Variants in TDRD12 observed in about 807,000 individuals in gnomAD.
The protein encoded by TDRD12 is putative ATP-dependent RNA helicase TDRD12.
In TDRD12, 158 loss-of-function variants were observed where a neutral mutation model predicts 133.5. The observed-to-expected ratio is 1.18, with a 90% CI of 1.04 to 1.35. The LOEUF (loss-of-function observed/expected upper bound fraction) is 1.35. Among genes scored for constraint, TDRD12 ranks in the 40% most tolerant of loss-of-function variants. The pLI is 0.00. For missense variants in TDRD12, 1,443 were observed against 1,321.3 expected, an observed-to-expected ratio of 1.09 and a Z score of -1.43; for synonymous variants, 460 against 477.9, an observed-to-expected ratio of 0.96 and a Z score of 0.49.
intron 11 of TDRD12, among the ~76,000 whole-genome samples, chr19:32,786,986 C>T (rs898646458): frequency 1.3e-5 from 2 of 152,236 alleles, no homozygotes; most frequent in Admixed American, 6.5e-5. Context: ...GAGTTGTGTT[C>T]CTTTGGAGGA....
intron 8 of TDRD12, among the ~76,000 whole-genome samples, chr19:32,757,963 G>GTT (rs994287092): frequency 1.3e-5 from 2 of 152,172 alleles, no homozygotes; most frequent in African/African-American, 2.4e-5. Context: ...GATACAAAGG[G>GTT]TTTTTCTCAG....
chr19:32,827,419 G>T, exon 10 of TDRD12: 1 of 353,998 alleles, frequency 2.8e-6, no homozygotes. Context: ...TTGCTCTGTC[G>T]GCCAGGCTGG....
intron 26 of TDRD12, among the ~76,000 whole-genome samples, chr19:32,816,189 A>AC (rs1280845391): frequency 6.6e-6 from 1 of 152,134 alleles, no homozygotes. Context: ...ATTGTTGTTA[A>AC]CTTTTTCTTG....
At position 32,763,015 on chromosome 19, in the gene TDRD12, C is replaced by T. The variant is rs1048327209; in HGVS notation, c.865+5885C>T. On this transcript the variant is annotated intron_variant, in intron 8 of 27. Transcript: ENST00000444215. ...TTTGTGTTATCTAAACCAATTTAAA[C>T]GTAGAAAAGATAGTGATTATGCTAT... 7.2e-5 allele frequency among the ~76,000 whole-genome samples: 11 copies of T among 152,172 alleles called. 1 individual carries two copies. Among genetic ancestry groups the T allele is most frequent in the Admixed American group, 5.9e-4 (9 of 15,288 alleles).
At chr19:32,735,799 G>A (rs1182267486) in intron 2 of TDRD12, among the ~76,000 whole-genome samples, 1 of 151,898 alleles carries the variant, frequency 6.6e-6, no homozygotes, top group Non-Finnish European at 1.5e-5. Flanking sequence ...GTGAAACCCT[G>A]TCTCTACTAA....
intron 7 of TDRD12, 77 bp downstream of exon 7, chr19:32,756,258 A>G (rs937596599): frequency 1.6e-6 from 2 of 1,236,230 alleles, no homozygotes. Context: ...TAAGTTGTAC[A>G]GACTTTTCCC....
chr19:32,756,512 C>T (rs985340743), intron 7 of TDRD12, among the ~76,000 whole-genome samples: 9 of 152,134 alleles, frequency 5.9e-5, no homozygotes, highest in South Asian at 2.1e-4. Flanking sequence ...CTCAGCCTCC[C>T]GAGTAGCTGG....
chr19:32,721,185 T>C (rs1026194307), intron 1 of TDRD12, among the ~76,000 whole-genome samples: 2 of 152,086 alleles, frequency 1.3e-5, no homozygotes, highest in African/African-American at 4.8e-5. Context: ...CCTGGACCCT[T>C]GCTTTTCCCC....
chr19:32,722,705 C>T (rs1158929781), intron 1 of TDRD12, among the ~76,000 whole-genome samples: 5 of 141,158 alleles, frequency 3.5e-5, no homozygotes, highest in Non-Finnish European at 6.0e-5. Context: ...TTTGAGACGG[C>T]GTCTCGCTCT....
intron 26 of TDRD12, among the ~76,000 whole-genome samples, chr19:32,816,429 T>C (rs1967183925): frequency 6.6e-6 from 1 of 152,168 alleles, no homozygotes; most frequent in Non-Finnish European, 1.5e-5. Flanking sequence ...CTCCTCTCCA[T>C]AGTGAGTTAC....
chr19:32,804,508 A>G (rs1411554303), intron 21 of TDRD12, among the ~76,000 whole-genome samples: 1 of 147,928 alleles, frequency 6.8e-6, no homozygotes, highest in Non-Finnish European at 1.5e-5. Context: ...CCTGGCCAAC[A>G]TGGTGAAACC....
intron 11 of TDRD12, among the ~76,000 whole-genome samples, chr19:32,785,831 G>A (rs112448828): frequency 6.6e-6 from 1 of 151,762 alleles, no homozygotes; most frequent in Non-Finnish European, 1.5e-5. Context: ...GTCTTTGCAC[G>A]TGAGATGGGT....
chr19:32,822,774 C>A (rs755132910), downstream of TDRD12, among the ~76,000 whole-genome samples: 74 of 151,234 alleles, frequency 4.9e-4, no homozygotes, highest in South Asian at 6.3e-4. Flanking sequence ...TGGGACAAAA[C>A]CCAAGCCCCT....
chr19:32,731,500 A>C (rs1267873402), intron 1 of TDRD12, among the ~76,000 whole-genome samples: 1 of 152,152 alleles, frequency 6.6e-6, no homozygotes, highest in African/African-American at 2.4e-5. Context: ...TGGGAGATTG[A>C]GGACATCCGT....
At chr19:32,809,592 G>A (rs1331293295) in intron 22 of TDRD12, among the ~76,000 whole-genome samples, 1 of 152,162 alleles carries the variant, frequency 6.6e-6, no homozygotes, top group African/African-American at 2.4e-5. Context: ...ACTCTAACCT[G>A]TGAAGGGCTG....
At chr19:32,829,183 G>A (rs1020438308) in exon 10 of TDRD12, 1 of 152,206 alleles carries the variant, frequency 6.6e-6, no homozygotes, top group African/African-American at 2.4e-5. Flanking sequence ...GTGGCGCCCC[G>A]TGCGCACCAG....
chr19:32,800,484 C>T lies in TDRD12; in HGVS notation c.1950+126C>T, dbSNP rs1016510495. On this transcript the variant is annotated intron_variant, in intron 17 of 27. Transcript: ENST00000444215. ...TATTAAACAATTACAGCTTTGATTTCATATATAAATTATGAATGAAATACA... is the reference window on the plus strand; with the variant it reads ...TATTAAACAATTACAGCTTTGATTTTATATATAAATTATGAATGAAATACA... The T allele has an allele frequency of 4.1e-6, 4 of 984,418 alleles. No homozygotes were observed. In the African/African-American group the frequency reaches 6.6e-5, roughly 16 times the overall value. The allele number at this position is 984,418 out of a possible 1,614,324, so 61.0% of individuals were successfully genotyped here.
At chr19:32,739,222 G>C (rs530493732) in intron 3 of TDRD12, among the ~76,000 whole-genome samples, 46 of 152,284 alleles carry the variant, frequency 3.0e-4, no homozygotes, top group Non-Finnish European at 5.7e-4. Flanking sequence ...CTCTCCCACT[G>C]TCCGTCCTGG....
intron 1 of TDRD12, among the ~76,000 whole-genome samples, chr19:32,728,126 T>C (rs1432024165): frequency 1.3e-5 from 2 of 152,246 alleles, no homozygotes. Flanking sequence ...GGTCTATATG[T>C]CTGTCTTTAT....
Sources: gnomAD v4.1 joint callset for allele counts (sites outside exome capture counted in the v4.1 genomes callset) on GRCh38, gnomAD v4.1.1 for gene constraint, MANE v1.5 for transcripts, NCBI Gene and HGNC (gene_info 2026-07-23, HGNC 2026-07-21) for gene names.